PIK3C2G: variants seen among roughly 807,000 people sequenced by gnomAD.
PIK3C2G encodes phosphatidylinositol-4-phosphate 3-kinase catalytic subunit type 2 gamma.
A neutral mutation model predicts 181.1 loss-of-function variants in PIK3C2G; 168 were observed. The ratio of observed to expected loss-of-function variants is 0.93; its 90% CI spans 0.82 to 1.05. The LOEUF is 1.05. PIK3C2G is among the 50% of genes least tolerant of loss of function. The pLI is 0.00. For missense variants in PIK3C2G, 1,869 were observed against 1,732.8 expected (o/e 1.08, Z -1.40); for synonymous variants, 573 against 592.2 (o/e 0.97, Z 0.47).
At chr12:18,412,250 G>C (rs1944905460) in intron 16 of PIK3C2G, among the ~76,000 whole-genome samples, 1 of 152,102 alleles carries the variant, frequency 6.6e-6, no homozygotes, top group South Asian at 2.1e-4. Context: ...TTAACTTATG[G>C]CCACATAACA....
rs1941377098 is a variant in PIK3C2G at position 18,363,012 on chromosome 12, T to C, written c.1748+126T>C. ...TGCCAGTTGATTTGATTCAGTGGTA[T>C]GATAAGTACACTAGGGCTAATAGAT... On this transcript the variant is annotated intron_variant, in intron 12 of 32. Coordinates refer to ENST00000538779, the MANE Select transcript of PIK3C2G (RefSeq NM_001288772.2). 6.0e-6 allele frequency: 4 copies of C among 668,012 alleles called. No individual in the cohort carries two copies. The East Asian group carries it at 8.7e-5, about 15-fold the overall frequency. The allele number at this position is 668,012 out of a possible 1,614,324, so 41.4% of individuals were successfully genotyped here.
chr12:18,698,020 TA>T, the PIK3C2G span, among the ~76,000 whole-genome samples: 1 of 151,518 alleles, frequency 6.6e-6, no homozygotes. Context: ...GTAATACAAT[TA>T]TAATTAATTT....
upstream of PIK3C2G, among the ~76,000 whole-genome samples, chr12:18,260,773 TC>T (rs1948211825): frequency 6.6e-6 from 1 of 152,112 alleles, no homozygotes; most frequent in Non-Finnish European, 1.5e-5. Context: ...TAAAACTTTC[TC>T]CCAGTAAAGC....
intron 3 of PIK3C2G, among the ~76,000 whole-genome samples, chr12:18,288,674 C>G (rs1949557392): frequency 6.6e-6 from 1 of 152,112 alleles, no homozygotes. Flanking sequence ...TACTTTAAGT[C>G]TAAAATATGG....
chr12:18,667,954 C>T, the PIK3C2G span, among the ~76,000 whole-genome samples: 1 of 152,070 alleles, frequency 6.6e-6, no homozygotes, highest in South Asian at 2.1e-4. Context: ...AACTTTGAGT[C>T]CTGAGGAGAA....
intron 25 of PIK3C2G, among the ~76,000 whole-genome samples, chr12:18,542,107 G>A (rs1313876039): frequency 1.3e-5 from 2 of 151,906 alleles, no homozygotes; most frequent in East Asian, 3.9e-4. Flanking sequence ...TTCTAACCAA[G>A]CAGGTGTGAA....
At chr12:18,482,944 C>A (rs187735905) in intron 18 of PIK3C2G, among the ~76,000 whole-genome samples, 2 of 152,280 alleles carry the variant, frequency 1.3e-5, no homozygotes, top group African/African-American at 4.8e-5. Flanking sequence ...TATCTGACCC[C>A]CAGTTGGTTT....
chr12:18,549,511 C>G (rs1944614400), intron 26 of PIK3C2G, among the ~76,000 whole-genome samples: 1 of 151,928 alleles, frequency 6.6e-6, no homozygotes, highest in South Asian at 2.1e-4. Flanking sequence ...CATTTTTATA[C>G]TAGTGAATTG....
chr12:18,715,649 C>CTGTTTT, the PIK3C2G span: 4 of 152,178 alleles, frequency 2.6e-5, no homozygotes, highest in Middle Eastern at 0.014. Flanking sequence ...GTTTTTGTGT[C>CTGTTTT]TGTTTTTGTT....
At chr12:18,311,598 A>G (rs760234077) in intron 5 of PIK3C2G, among the ~76,000 whole-genome samples, 3 of 152,022 alleles carry the variant, frequency 2.0e-5, no homozygotes, top group Non-Finnish European at 4.4e-5. Context: ...TTAATACTAC[A>G]GTATATGTGT....
chr12:18,627,271 G>A (rs1463426708), intron 31 of PIK3C2G, among the ~76,000 whole-genome samples: 1 of 151,894 alleles, frequency 6.6e-6, no homozygotes, highest in Admixed American at 6.6e-5. Context: ...TTTTGTTCAA[G>A]TACTGTTTTC....
At chr12:18,613,184 T>C (rs1192181398) in intron 31 of PIK3C2G, among the ~76,000 whole-genome samples, 4 of 152,130 alleles carry the variant, frequency 2.6e-5, no homozygotes, top group Non-Finnish European at 5.9e-5. Context: ...ATGGATTTTT[T>C]TCTAGTCTGT....
At chr12:18,695,155 T>C in the PIK3C2G span, 11 of 1,381,528 alleles carry the variant, frequency 8.0e-6, no homozygotes, top group Middle Eastern at 5.9e-4. Context: ...CTTACTGAAA[T>C]CTAATAATGG....
At chr12:18,267,018 T>C (rs969125748) in intron 1 of PIK3C2G, among the ~76,000 whole-genome samples, 1 of 152,102 alleles carries the variant, frequency 6.6e-6, no homozygotes, top group African/African-American at 2.4e-5. Flanking sequence ...TTGTTTCTAC[T>C]TTTTCTGATT....
intron 8 of PIK3C2G, among the ~76,000 whole-genome samples, chr12:18,333,401 T>C (rs1475772890): frequency 6.6e-6 from 1 of 152,160 alleles, no homozygotes; most frequent in Non-Finnish European, 1.5e-5. Flanking sequence ...ACCCGTCATC[T>C]ACATTAAGTA....
the PIK3C2G span, among the ~76,000 whole-genome samples, chr12:18,683,004 A>G: frequency 1.7e-4 from 26 of 152,148 alleles, no homozygotes; most frequent in South Asian, 5.2e-3. Context: ...TCAGCAGCAG[A>G]AGGGCAGGAG....
intron 18 of PIK3C2G, among the ~76,000 whole-genome samples, chr12:18,470,540 C>G (rs1938359858): frequency 6.6e-6 from 1 of 152,122 alleles, no homozygotes; most frequent in South Asian, 2.1e-4. Flanking sequence ...TGTGAAGATG[C>G]TGAAAACTCC....
intron 18 of PIK3C2G, among the ~76,000 whole-genome samples, chr12:18,480,243 T>C (rs1190048231): frequency 6.6e-6 from 1 of 152,048 alleles, no homozygotes; most frequent in Non-Finnish European, 1.5e-5. Context: ...CGGAGTGTAG[T>C]GGGGGAGGGA....
intron 26 of PIK3C2G, among the ~76,000 whole-genome samples, chr12:18,559,821 TAGAGAGAGAGAG>T (rs1171468138): frequency 5.2e-3 from 95 of 18,326 alleles, no homozygotes; most frequent in Admixed American, 8.2e-3. Flanking sequence ...TATATATATA[TAGAGAGAGAGAG>T]AGAGAGAGAG....
Sources: gnomAD v4.1 joint callset for allele counts (sites outside exome capture counted in the v4.1 genomes callset) on GRCh38, gnomAD v4.1.1 for gene constraint, MANE v1.5 for transcripts, NCBI Gene and HGNC (gene_info 2026-07-23, HGNC 2026-07-21) for gene names.